The following ANGPT1 variants were observed in gnomAD, a reference collection of about 807,000 sequenced individuals.
The protein encoded by ANGPT1 is angiopoietin-1.
ANGPT1 carries 17 observed loss-of-function variants against 62.2 expected under a neutral mutation model. The observed-to-expected ratio is 0.27, with a 90% confidence interval of 0.19 to 0.41. ANGPT1 has a LOEUF of 0.41. Among genes scored for constraint, ANGPT1 ranks in the 10% least tolerant of loss-of-function variants. The pLI, the probability that ANGPT1 is intolerant of heterozygous loss-of-function variation, is 1.00. For missense variants in ANGPT1, 478 were observed against 594.9 expected (o/e 0.80, Z 2.04); for synonymous variants, 199 against 198.9 (o/e 1.00, Z 0.00).
At chr8:107,348,624 G>T (rs1815863846) in intron 1 of ANGPT1, among the ~76,000 whole-genome samples, 1 of 152,102 alleles carries the variant, frequency 6.6e-6, no homozygotes, top group Non-Finnish European at 1.5e-5. Flanking sequence ...AAAATGTAAG[G>T]CCTGTAGGCC....
intron 1 of ANGPT1, among the ~76,000 whole-genome samples, chr8:107,415,474 T>C (rs986250801): frequency 2.0e-5 from 3 of 152,152 alleles, no homozygotes; most frequent in African/African-American, 7.2e-5. Flanking sequence ...TCAAACCAAG[T>C]GTGTGAGTTT....
rs147833959 is a variant in ANGPT1, at chr8:107,382,412, T to A, written c.298-35315A>T. ...AAATCCCATATTTGTCACAGAGAGG[T>A]CTGCTGTGCTTTTCTACAAGTCGGG... On this transcript the variant is annotated intron_variant, in intron 1 of 8. Transcript: ENST00000517746. 8.5e-5 allele frequency among the ~76,000 whole-genome samples: 13 copies of A among 152,150 alleles called. No individual in the cohort carries two copies. The East Asian group carries it at 2.5e-3, about 29-fold the overall frequency.
At chr8:107,278,055 A>C (rs1813906711) in intron 7 of ANGPT1, among the ~76,000 whole-genome samples, 2 of 152,090 alleles carry the variant, frequency 1.3e-5, no homozygotes, top group African/African-American at 4.8e-5. Flanking sequence ...TTAATTTAAA[A>C]AGTCTGTTTG....
chr8:107,308,117 T>C (rs12114632), intron 4 of ANGPT1, among the ~76,000 whole-genome samples: 5,559 of 152,258 alleles, frequency 0.037, 323 homozygotes, highest in African/African-American at 0.13. Context: ...ACATTTGCTA[T>C]TTTTAAGACT....
intron 1 of ANGPT1, among the ~76,000 whole-genome samples, chr8:107,491,984 T>C (rs1000802093): frequency 1.1e-4 from 17 of 152,194 alleles, no homozygotes; most frequent in African/African-American, 4.1e-4. Context: ...CTGAGCTCTC[T>C]CAATGGAGAC....
intron 8 of ANGPT1, among the ~76,000 whole-genome samples, chr8:107,258,404 T>C (rs1488443458): frequency 6.6e-6 from 1 of 152,198 alleles, no homozygotes; most frequent in South Asian, 2.1e-4. Context: ...ATATAAATCA[T>C]TTAGAATAAT....
Position 107,417,661 on chromosome 8 carries a change from T to G in ANGPT1, c.298-70564A>C, listed in dbSNP as rs1810789595. ...ACCAGTTAAATGGGGCTTATCTCAT[T>G]GGAGAGAGCTACAAATTCATCTGTG... On this transcript the variant is annotated intron_variant, in intron 1 of 8. Coordinates refer to ENST00000517746, the MANE Select transcript of ANGPT1 (RefSeq NM_001146.5). Among the ~76,000 whole-genome samples, 3 of 152,140 alleles carry G rather than the reference T, an allele frequency of 2.0e-5. No individual in the cohort carries two copies. The South Asian group carries it at 6.2e-4, about 32-fold the overall frequency.
intron 1 of ANGPT1, among the ~76,000 whole-genome samples, chr8:107,370,720 AAAGAG>A (rs1563591448): frequency 4.8e-5 from 7 of 146,554 alleles, no homozygotes; most frequent in South Asian, 2.2e-4. Context: ...AAAAAAAAAA[AAAGAG>A]GAAGAAGAAA....
At position 107,469,935 on chromosome 8, in the gene ANGPT1, G is replaced by A. The variant is rs78124320; in HGVS notation, c.297+27327C>T. On this transcript the variant is annotated intron_variant, in intron 1 of 8. Transcript: ENST00000517746. The stretch of plus-strand genomic sequence containing the variant: ...TTCACAAGGCATACAAAAAGATAAC[G>A]TGATGCAGATTTTGCAGGCTTGCTT... Among the ~76,000 whole-genome samples the A allele has an allele frequency of 2.7e-3, 411 of 152,134 alleles. 2 individuals are homozygous for A. The highest frequency in any genetic ancestry group is 9.6e-3 in the African/African-American group (400 of 41,532).
At chr8:107,400,863 A>G (rs1817033972) in intron 1 of ANGPT1, among the ~76,000 whole-genome samples, 1 of 109,302 alleles carries the variant, frequency 9.1e-6, no homozygotes, top group African/African-American at 3.7e-5. Flanking sequence ...CCCAGCAGAT[A>G]TTTCTTTTTA....
intron 1 of ANGPT1, among the ~76,000 whole-genome samples, chr8:107,393,078 G>A (rs959912916): frequency 3.3e-5 from 5 of 152,168 alleles, no homozygotes; most frequent in African/African-American, 9.7e-5. Flanking sequence ...GAGTAAAAAA[G>A]TTGGTGTTCA....
intron 7 of ANGPT1, 143 bp from the exon 8 acceptor site, chr8:107,264,494 C>A: frequency 1.0e-6 from 1 of 996,448 alleles, no homozygotes; most frequent in Non-Finnish European, 1.4e-6. Flanking sequence ...CTAGGAGACC[C>A]AAGCTATCTG....
At chr8:107,368,038 CAGA>C (rs1256334307) in intron 1 of ANGPT1, among the ~76,000 whole-genome samples, 2 of 152,110 alleles carry the variant, frequency 1.3e-5, no homozygotes, top group Non-Finnish European at 2.9e-5. Context: ...GAATCCTTTC[CAGA>C]AGGTTTTCAA....
At chr8:107,273,297 T>C (rs890516624) in intron 7 of ANGPT1, among the ~76,000 whole-genome samples, 1 of 152,124 alleles carries the variant, frequency 6.6e-6, no homozygotes, top group African/African-American at 2.4e-5. Flanking sequence ...TGAAAACCAT[T>C]GAGATGCATT....
intron 1 of ANGPT1, among the ~76,000 whole-genome samples, chr8:107,467,057 T>A (rs62514475): frequency 0.012 from 1,884 of 152,210 alleles, 20 homozygotes; most frequent in South Asian, 0.032. Context: ...ATATTCAACA[T>A]CTTGCTTGGC....
rs377143459 is a variant in ANGPT1, at chr8:107,326,486, T to C, written c.576-4358A>G. Among the ~76,000 whole-genome samples the C allele has an allele frequency of 1.6e-4, 24 of 152,224 alleles. No homozygotes were observed. The East Asian group carries it at 4.6e-3, about 29-fold the overall frequency. ...TCTCTTCTTGACCCTTCCATTTCTT[T>C]TGACTACACTCATCCCCTTTTTTCA... is the stretch of plus-strand genomic sequence containing the variant. On this transcript the variant is annotated intron_variant, in intron 3 of 8. Transcript: ENST00000517746.
chr8:107,409,938 A>AATCC (rs5893861), intron 1 of ANGPT1, among the ~76,000 whole-genome samples: 2,017 of 149,006 alleles, frequency 0.014, 33 homozygotes, highest in Admixed American at 0.04. Context: ...ATATGTGATG[A>AATCC]ATCCATCCAT....
At chr8:107,363,168 C>G (rs1199506061) in intron 1 of ANGPT1, among the ~76,000 whole-genome samples, 1 of 150,218 alleles carries the variant, frequency 6.7e-6, no homozygotes, top group Non-Finnish European at 1.5e-5. Flanking sequence ...TATTTCTCAT[C>G]AGTAAAGCCA....
intron 5 of ANGPT1, chr8:107,294,601 G>A (rs1814364770): frequency 6.6e-6 from 1 of 152,158 alleles, no homozygotes; most frequent in South Asian, 2.1e-4. Context: ...TTGTGGCATA[G>A]CATATGTAGA....
Sources: allele counts gnomAD v4.1 joint callset (sites outside exome capture counted in the v4.1 genomes callset), GRCh38; gene constraint gnomAD v4.1.1; transcripts MANE v1.5; gene names NCBI Gene and HGNC (gene_info 2026-07-23, HGNC 2026-07-21).